Variants in PARVA observed in about 807,000 individuals in gnomAD.
PARVA encodes alpha-parvin.
In PARVA, 25 loss-of-function variants were observed where a neutral mutation model predicts 52.6. The ratio of observed to expected loss-of-function variants is 0.48; its 90% confidence interval spans 0.35 to 0.66. The LOEUF is 0.66. PARVA is among the 30% of genes least tolerant of loss of function. PARVA has a pLI of 0.01. For missense variants in PARVA, 373 were observed against 450.9 expected (o/e 0.83, Z 1.56); for synonymous variants, 185 against 179.1 (o/e 1.03, Z -0.26).
At chr11:12,461,263 G>A (rs1478805741) in intron 1 of PARVA, among the ~76,000 whole-genome samples, 1 of 152,094 alleles carries the variant, frequency 6.6e-6, no homozygotes, top group Admixed American at 6.6e-5. Flanking sequence ...GGCTGTCCTT[G>A]GTTTAGGTGG....
chr11:12,419,782 A>G (rs1437289961), intron 1 of PARVA, among the ~76,000 whole-genome samples: 1 of 152,138 alleles, frequency 6.6e-6, no homozygotes, highest in Non-Finnish European at 1.5e-5. Context: ...ACTTATTGTT[A>G]TTTTTGTTAT....
chr11:12,405,979 C>G (rs139325256), intron 1 of PARVA, among the ~76,000 whole-genome samples: 2 of 152,136 alleles, frequency 1.3e-5, no homozygotes, highest in African/African-American at 4.8e-5. Flanking sequence ...TGGAATCATA[C>G]TATATGTTCA....
chr11:12,533,544 T>C lies in PARVA; in HGVS notation c.*5619T>C, dbSNP rs1221232375. ...AAGTACGGTTGATCCTTGAATGATA[T>C]GGGCACCGACCCCTGAGCAGCTGAA... is the stretch of plus-strand genomic sequence containing the variant. On this transcript the variant is annotated 3_prime_UTR_variant, in exon 13 of 13. Transcript: ENST00000334956. Among the ~76,000 whole-genome samples, 2 of 152,142 alleles carry C rather than the reference T, an allele frequency of 1.3e-5. No homozygotes were observed. Among genetic ancestry groups the C allele is most frequent in the Admixed American group, 6.5e-5 (1 of 15,268 alleles).
intron 1 of PARVA, among the ~76,000 whole-genome samples, chr11:12,470,777 A>G (rs1034385339): frequency 2.6e-5 from 4 of 152,176 alleles, no homozygotes; most frequent in African/African-American, 9.7e-5. Context: ...CCTGAGTATG[A>G]TGGGAAGTCA....
At chr11:12,520,340 T>G (rs1941621680) in intron 12 of PARVA, among the ~76,000 whole-genome samples, 1 of 152,352 alleles carries the variant, frequency 6.6e-6, no homozygotes, top group Admixed American at 6.5e-5. Context: ...GTCTGGTTTT[T>G]ATGCTTCTAC....
chr11:12,480,809 T>TTA (rs763187722), intron 4 of PARVA: 2 of 110,292 alleles, frequency 1.8e-5, no homozygotes, highest in South Asian at 3.0e-4. Flanking sequence ...CAGTTTGCGG[T>TTA]AAAAAAAAAA....
In PARVA at chr11:12,528,332, A is replaced by C. The variant is rs1472232699; in HGVS notation, c.*407A>C. Reference sequence around the variant, plus strand: ...TGCTCTGATATACTCAAGGCCATTAATCTTCAGGACTCCCATTGACGTAGG... The same window carrying C: ...TGCTCTGATATACTCAAGGCCATTACTCTTCAGGACTCCCATTGACGTAGG... On this transcript the variant is annotated 3_prime_UTR_variant, in exon 13 of 13. Coordinates refer to ENST00000334956, the MANE Select transcript of PARVA (RefSeq NM_018222.5). The C allele has an allele frequency of 1.1e-5, 2 of 175,740 alleles. No individual in the cohort carries two copies. Among genetic ancestry groups the C allele is most frequent in the East Asian group, 3.0e-4 (2 of 6,766 alleles). 10.9% of individuals were successfully genotyped at this position (175,740 alleles called of 1,614,324 possible).
chr11:12,531,682 A>C lies in PARVA; in HGVS notation c.*3757A>C, dbSNP rs1029227023. Among the ~76,000 whole-genome samples, 5 of 151,704 alleles carry C rather than the reference A, an allele frequency of 3.3e-5. No homozygotes were observed. Among genetic ancestry groups the C allele is most frequent in the Admixed American group, 3.3e-4 (5 of 15,186 alleles). On this transcript the variant is annotated 3_prime_UTR_variant, in exon 13 of 13. Coordinates refer to ENST00000334956, the MANE Select transcript of PARVA (RefSeq NM_018222.5). ...CTCAGGAATCTTACCTTTATAATAC[A>C]TCCTAGATAGGCAAGAGGGATATGT... is the stretch of plus-strand genomic sequence containing the variant.
At chr11:12,405,819 G>T (rs891450867) in intron 1 of PARVA, among the ~76,000 whole-genome samples, 8 of 152,184 alleles carry the variant, frequency 5.3e-5, no homozygotes, top group Admixed American at 4.6e-4. Flanking sequence ...TTAGCTGGGC[G>T]CAGTGGCAGG....
chr11:12,471,543 A>G (rs921569918), intron 1 of PARVA, among the ~76,000 whole-genome samples: 1 of 152,158 alleles, frequency 6.6e-6, no homozygotes, highest in Non-Finnish European at 1.5e-5. Flanking sequence ...AGAAAGGATC[A>G]TGTAATTTGC....
At chr11:12,377,520 T>C, upstream of PARVA, 1 of 1,423,004 alleles carries the variant, frequency 7.0e-7, no homozygotes, top group South Asian at 1.4e-5. Context: ...GAGCGTGAGC[T>C]GCCTCAAATG....
chr11:12,481,178 C>T (rs924410654), intron 4 of PARVA, among the ~76,000 whole-genome samples: 3 of 152,074 alleles, frequency 2.0e-5, no homozygotes, highest in Admixed American at 6.5e-5. Context: ...ATGCATCTGC[C>T]GCAATTCTTA....
chr11:12,438,516 A>C (rs1288445331), intron 1 of PARVA, among the ~76,000 whole-genome samples: 1 of 152,202 alleles, frequency 6.6e-6, no homozygotes, highest in Non-Finnish European at 1.5e-5. Context: ...CTGAGCCTTC[A>C]TGGCCTACTC....
chr11:12,377,909 A>G, intron 1 of PARVA, 126 bp downstream of exon 1: 2 of 378,700 alleles, frequency 5.3e-6, no homozygotes, highest in Non-Finnish European at 8.1e-6. Context: ...GCGCGCGGCG[A>G]TGCGTGCGCG....
chr11:12,406,654 T>A (rs1343438548), intron 1 of PARVA, among the ~76,000 whole-genome samples: 3 of 149,186 alleles, frequency 2.0e-5, no homozygotes, highest in Non-Finnish European at 4.4e-5. Context: ...CTATTTAGGT[T>A]GTATCTGTTT....
chr11:12,528,055 A>G lies in PARVA; in HGVS notation c.*130A>G, dbSNP rs1286428541. On this transcript the variant is annotated 3_prime_UTR_variant, in exon 13 of 13. Coordinates refer to ENST00000334956, the MANE Select transcript of PARVA (RefSeq NM_018222.5). ...TCTCCCACAAGTCCAGCTGCAACCC[A>G]GAGATAGTGGAAACTGAAATTAGGA... 6.9e-6 allele frequency: 5 copies of G among 727,142 alleles called. No homozygotes were observed. The highest frequency in any genetic ancestry group is 1.3e-5 in the Non-Finnish European group (5 of 398,564). The allele number at this position is 727,142 out of a possible 1,614,324, so 45.0% of individuals were successfully genotyped here. A position where few individuals can be genotyped will look rare whatever the true frequency, so the allele number is the denominator to read the frequency against.
intron 5 of PARVA, among the ~76,000 whole-genome samples, chr11:12,497,265 T>C (rs1263730680): frequency 6.6e-6 from 1 of 152,192 alleles, no homozygotes; most frequent in African/African-American, 2.4e-5. Flanking sequence ...AGGGATTAGG[T>C]GAATCTAGCA....
chr11:12,432,323 A>G (rs1940326811), intron 1 of PARVA, among the ~76,000 whole-genome samples: 1 of 152,264 alleles, frequency 6.6e-6, no homozygotes, highest in South Asian at 2.1e-4. Context: ...GGACAGTAGT[A>G]TCTTTCAGTT....
At chr11:12,437,146 A>T (rs892238068) in intron 1 of PARVA, among the ~76,000 whole-genome samples, 6 of 152,192 alleles carry the variant, frequency 3.9e-5, no homozygotes, top group African/African-American at 2.4e-5. Context: ...ATTTTTGCAA[A>T]GTATCAGTCT....
Sources: allele counts gnomAD v4.1 joint callset (sites outside exome capture counted in the v4.1 genomes callset), GRCh38; gene constraint gnomAD v4.1.1; transcripts MANE v1.5; gene names NCBI Gene and HGNC (gene_info 2026-07-23, HGNC 2026-07-21).